RUNX1T1: variants seen among roughly 807,000 people sequenced by gnomAD.
RUNX1T1 encodes protein CBFA2T1.
RUNX1T1 carries 4 observed loss-of-function variants against 62.8 expected under a neutral mutation model. That is an observed-to-expected ratio of 0.06 (90% confidence interval 0.03 to 0.15). The LOEUF is 0.15. Among genes scored for constraint, RUNX1T1 ranks in the 10% least tolerant of loss-of-function variants. RUNX1T1 has a pLI of 1.00. For synonymous variants in RUNX1T1, 291 were observed against 286.0 expected, an observed-to-expected ratio of 1.02 and a Z score of -0.18; for missense variants, 508 against 754.3, an observed-to-expected ratio of 0.67 and a Z score of 3.82.
At chr8:92,025,051 T>C (rs761231436) in intron 1 of RUNX1T1, among the ~76,000 whole-genome samples, 1 of 152,140 alleles carries the variant, frequency 6.6e-6, no homozygotes, top group Non-Finnish European at 1.5e-5. Context: ...TGAGAATAAC[T>C]CTAGTCAATA....
intron 5 of RUNX1T1, among the ~76,000 whole-genome samples, chr8:92,001,625 A>C (rs1819778074): frequency 6.6e-6 from 1 of 152,206 alleles, no homozygotes; most frequent in Non-Finnish European, 1.5e-5. Flanking sequence ...CCATCATTTG[A>C]GATAGTAGGG....
upstream of RUNX1T1, among the ~76,000 whole-genome samples, chr8:92,066,787 G>A (rs1563887667): frequency 6.6e-6 from 1 of 152,300 alleles, no homozygotes; most frequent in Non-Finnish European, 1.5e-5. Context: ...AGGCTACAAT[G>A]TAAGATACAG....
exon 1 of RUNX1T1, chr8:92,062,835 G>A: frequency 7.0e-7 from 1 of 1,427,548 alleles, no homozygotes; most frequent in East Asian, 2.6e-5. Flanking sequence ...CAATGACAGG[G>A]ATGTGTGTGC....
intron 8 of RUNX1T1, among the ~76,000 whole-genome samples, chr8:91,982,236 C>T (rs78662144): frequency 1.3e-5 from 1 of 79,220 alleles, no homozygotes; most frequent in African/African-American, 4.2e-5. Context: ...GACCCTGTCT[C>T]AAAAAAAAAA....
At chr8:92,064,446 G>A (rs545919707), upstream of RUNX1T1, among the ~76,000 whole-genome samples, 26 of 152,274 alleles carry the variant, frequency 1.7e-4, no homozygotes, top group South Asian at 5.2e-3. Flanking sequence ...TTTCAGTACA[G>A]TTAAGCACCA....
intron 1 of RUNX1T1, among the ~76,000 whole-genome samples, chr8:92,043,330 T>C (rs1346068039): frequency 1.3e-5 from 2 of 152,078 alleles, no homozygotes; most frequent in Non-Finnish European, 2.9e-5. Flanking sequence ...TGAAATCCCT[T>C]ACCAAAAATG....
intron 1 of RUNX1T1, among the ~76,000 whole-genome samples, chr8:92,056,503 T>A (rs939227240): frequency 1.3e-5 from 2 of 152,054 alleles, no homozygotes; most frequent in African/African-American, 4.8e-5. Context: ...ATCCCTCTAA[T>A]AAAGTGAGCC....
At chr8:92,042,118 C>A (rs563858766) in intron 1 of RUNX1T1, among the ~76,000 whole-genome samples, 47 of 151,138 alleles carry the variant, frequency 3.1e-4, no homozygotes, top group African/African-American at 1.1e-3. Context: ...CTGTGCCTGG[C>A]CTGAAGGGGT....
exon 1 of RUNX1T1, chr8:92,062,602 C>T (rs1018164652): frequency 5.6e-6 from 9 of 1,613,908 alleles, no homozygotes; most frequent in African/African-American, 2.7e-5. Flanking sequence ...TAAAAGCAAG[C>T]GCGTTCCGGG....
At chr8:92,021,150 A>C (rs529567081) in intron 1 of RUNX1T1, among the ~76,000 whole-genome samples, 56 of 152,282 alleles carry the variant, frequency 3.7e-4, no homozygotes, top group African/African-American at 1.3e-3. Flanking sequence ...GTCATATTTG[A>C]ATAAGTGTTG....
At chr8:92,081,110 C>T in intron 1 of RUNX1T1, 1 of 169,394 alleles carries the variant, frequency 5.9e-6, no homozygotes, top group Non-Finnish European at 1.2e-5. Context: ...ACTTACTCAT[C>T]AGCTATTTGA....
chr8:92,083,088 T>A (rs1835534247), intron 1 of RUNX1T1, among the ~76,000 whole-genome samples: 1 of 152,204 alleles, frequency 6.6e-6, no homozygotes, highest in Non-Finnish European at 1.5e-5. Flanking sequence ...TCAAGAAGCT[T>A]ATCCTTTATT....
rs114806258 is a variant in RUNX1T1, at chr8:91,976,569, T to C, written c.1199-596A>G. Among the ~76,000 whole-genome samples, 1,084 of 152,328 alleles carry C rather than the reference T, an allele frequency of 7.1e-3. 12 individuals are homozygous for C. Among genetic ancestry groups the C allele is most frequent in the African/African-American group, 0.024 (1,008 of 41,576 alleles). On this transcript the variant is annotated intron_variant, in intron 8 of 10. Transcript: ENST00000396218. ...TCAGAATGGATTCACAGACATTCTGTTGAGCAGAGAGAATTAGCCCATGCT... is the reference window on the plus strand; with the variant it reads ...TCAGAATGGATTCACAGACATTCTGCTGAGCAGAGAGAATTAGCCCATGCT...
At chr8:91,984,817 C>T (rs777901375) in intron 8 of RUNX1T1, among the ~76,000 whole-genome samples, 83 of 152,088 alleles carry the variant, frequency 5.5e-4, no homozygotes, top group Admixed American at 9.8e-4. Flanking sequence ...TCAAACCAAA[C>T]GTAATTCTGT....
intron 1 of RUNX1T1, chr8:92,095,286 T>TTCCTCC: frequency 2.0e-6 from 3 of 1,515,966 alleles, no homozygotes; most frequent in Non-Finnish European, 2.6e-6. Flanking sequence ...CACGCCCCCC[T>TTCCTCC]TCCTCCTGGC....
chr8:91,997,211 C>A (rs1225448506), intron 5 of RUNX1T1, among the ~76,000 whole-genome samples: 2 of 151,862 alleles, frequency 1.3e-5, no homozygotes, highest in African/African-American at 2.4e-5. Flanking sequence ...GCTGGTAATC[C>A]CTTTAGTAAC....
At chr8:91,959,984 T>C (rs781721170) in exon 11 of RUNX1T1, 1 of 514,068 alleles carries the variant, frequency 1.9e-6, no homozygotes, top group Non-Finnish European at 3.5e-6. Context: ...TTTCATGTTA[T>C]ATTCTCTGCT....
At chr8:92,024,605 G>C (rs1404270262) in intron 1 of RUNX1T1, among the ~76,000 whole-genome samples, 1 of 144,552 alleles carries the variant, frequency 6.9e-6, no homozygotes, top group Admixed American at 7.1e-5. Context: ...CTTAATCCAA[G>C]AAACATGTAC....
chr8:91,970,931 AT>A (rs987390343), intron 9 of RUNX1T1, 83 bp from the exon 11 acceptor site: 563 of 1,151,798 alleles, frequency 4.9e-4, no homozygotes, highest in South Asian at 8.6e-4. Context: ...TTTTCTTTTA[AT>A]TTTTTTTTTC....
Sources: allele counts gnomAD v4.1 joint callset (sites outside exome capture counted in the v4.1 genomes callset), GRCh38; gene constraint gnomAD v4.1.1; transcripts MANE v1.5; gene names NCBI Gene and HGNC (gene_info 2026-07-23, HGNC 2026-07-21).